Variants in CDC20B observed in about 807,000 individuals in gnomAD.
CDC20B encodes cell division cycle protein 20 homolog B.
Under a neutral mutation model 64.1 loss-of-function variants are expected in CDC20B, and 58 were observed. The observed-to-expected ratio is 0.90, with a 90% CI of 0.73 to 1.13. The LOEUF (loss-of-function observed/expected upper bound fraction) is 1.13. Ranked by LOEUF, CDC20B falls within the 50% of genes most tolerant of loss-of-function variation. CDC20B has a pLI of 0.00. For missense variants in CDC20B, 597 were observed against 633.0 expected, an observed-to-expected ratio of 0.94 and a Z score of 0.61; for synonymous variants, 243 against 230.6, an observed-to-expected ratio of 1.05 and a Z score of -0.49.
intron 2 of CDC20B, chr5:55,164,238 AT>A (rs1335945225): frequency 6.7e-7 from 1 of 1,503,492 alleles, no homozygotes; most frequent in East Asian, 2.3e-5. Context: ...TGCGTTTCTA[AT>A]AGAACAGAGA....
In CDC20B at chr5:55,114,414, C is replaced by G; in HGVS notation, c.1460-96G>C. 1 of 1,512,096 alleles carries G rather than the reference C, an allele frequency of 6.6e-7. No individual in the cohort carries two copies. The highest frequency in any genetic ancestry group is 8.9e-7 in the Non-Finnish European group (1 of 1,129,170). 93.7% of individuals were successfully genotyped at this position (1,512,096 alleles called of 1,614,324 possible). On this transcript the variant is annotated intron_variant, in intron 11 of 11. Coordinates refer to ENST00000381375, the MANE Select transcript of CDC20B (RefSeq NM_001170402.1). This position sits in a 1 kb window ranked among gnomAD's most constrained non-coding sequence, Gnocchi z 4.1. ...TGTAAGTTGGGGCCATGAGTCCCAT[C>G]CCAGGATAAAGGGCTTTCCCACACC...
chr5:55,151,664 T>C (rs1262439611), intron 2 of CDC20B, among the ~76,000 whole-genome samples: 2 of 152,334 alleles, frequency 1.3e-5, no homozygotes, highest in African/African-American at 4.8e-5. Context: ...TTTCTGTGAT[T>C]CGTCTACCGT....
At chr5:55,140,547 T>G in intron 4 of CDC20B, 140 bp from the exon 5 acceptor site, 1 of 557,648 alleles carries the variant, frequency 1.8e-6, no homozygotes, top group Non-Finnish European at 3.2e-6. Flanking sequence ...AACACCACAA[T>G]AATCGCTATT....
At chr5:55,167,138 A>G (rs1465983041) in intron 2 of CDC20B, 1 of 152,166 alleles carries the variant, frequency 6.6e-6, no homozygotes, top group Non-Finnish European at 1.5e-5. Flanking sequence ...ACAAAATCAA[A>G]TGCATTTTAA....
intron 2 of CDC20B, among the ~76,000 whole-genome samples, chr5:55,150,024 C>T (rs1361613062): frequency 6.6e-6 from 1 of 152,080 alleles, no homozygotes; most frequent in African/African-American, 2.4e-5. Context: ...ATCCCAGCTA[C>T]TTGGGAGGCT....
chr5:55,142,992 A>C (rs1743372075), intron 4 of CDC20B, among the ~76,000 whole-genome samples: 1 of 152,176 alleles, frequency 6.6e-6, no homozygotes, highest in African/African-American at 2.4e-5. Context: ...TCAGACTCCT[A>C]AGATCTTAAA....
At position 55,145,937 on chromosome 5, in the gene CDC20B, G is replaced by C. The variant is rs557012102; in HGVS notation, c.355+691C>G. Among the ~76,000 whole-genome samples, 3 of 151,694 alleles carry C rather than the reference G, an allele frequency of 2.0e-5. No individual in the cohort carries two copies. In the East Asian group the frequency reaches 5.8e-4, roughly 29 times the overall value. On this transcript the variant is annotated intron_variant, in intron 3 of 11. Transcript: ENST00000381375. The stretch of plus-strand genomic sequence containing the variant: ...TAATTTTTTCTGACTCTGTATACCA[G>C]TAACCTTACCAGTCATTAAAATTCT...
intron 3 of CDC20B, 46 bp downstream of exon 3, chr5:55,146,582 T>C (rs1033662590): frequency 2.2e-6 from 3 of 1,345,686 alleles, no homozygotes; most frequent in African/African-American, 2.9e-5. Context: ...GAATATATCT[T>C]TTATTCACGT....
At chr5:55,164,090 A>G (rs1744243950) in intron 2 of CDC20B, 1 of 1,597,228 alleles carries the variant, frequency 6.3e-7, no homozygotes, top group Admixed American at 1.7e-5. Flanking sequence ...GAATTTTTGG[A>G]AGTATCTTGT....
At chr5:55,134,212 A>C (rs1188987507) in intron 5 of CDC20B, among the ~76,000 whole-genome samples, 2 of 152,210 alleles carry the variant, frequency 1.3e-5, no homozygotes, top group Non-Finnish European at 2.9e-5. Flanking sequence ...GATCAAACTG[A>C]GAATGATAAA....
chr5:55,128,596 C>T lies in CDC20B; in HGVS notation c.719G>A (p.Ser240Asn). ...NDYYLNILDWSFQNLVAIALG... is the reference protein window; with the variant it reads ...NDYYLNILDWNFQNLVAIALG... ...GGCTATGGCAACAAGATTCTGAAAA[C>T]TCCAATCTAGGATATTCAGATCTAT... The change falls in exon 7 of 12, where the codon AGT (serine) becomes AAT (asparagine). Residue 240 changes from serine (S) to asparagine (N), a missense_variant. Around this residue, in one of 3 missense-constraint regions of CDC20B, gnomAD observed 353 missense variants for 397.0 expected, o/e 0.89. Coordinates refer to ENST00000381375, the MANE Select transcript of CDC20B (RefSeq NM_001170402.1). 2 of 1,569,474 alleles carry T rather than the reference C, an allele frequency of 1.3e-6. No homozygotes were observed. Among genetic ancestry groups the T allele is most frequent in the East Asian group, 2.3e-5 (1 of 43,000 alleles).
chr5:55,114,157 A>G lies in CDC20B; in HGVS notation c.*61T>C, dbSNP rs952296180. 3.2e-6 allele frequency: 5 copies of G among 1,566,302 alleles called. No individual in the cohort carries two copies. In the African/African-American group the frequency reaches 5.5e-5, roughly 17 times the overall value. ...CTCATAAAAACCCCATGGAGAAGAC[A>G]TAGCCAACATCATCATCTTCACTCA... On this transcript the variant is annotated 3_prime_UTR_variant, in exon 12 of 12. Transcript: ENST00000381375. This position sits in a 1 kb window ranked among gnomAD's most constrained non-coding sequence, Gnocchi z 4.1.
At chr5:55,133,712 A>G (rs1743086744) in intron 5 of CDC20B, among the ~76,000 whole-genome samples, 184 bp from the exon 6 acceptor site, 1 of 152,208 alleles carries the variant, frequency 6.6e-6, no homozygotes, top group Non-Finnish European at 1.5e-5. Flanking sequence ...TTCAGTATTA[A>G]TTTAAACAAG....
chr5:55,120,618 A>G (rs1742735003), intron 9 of CDC20B, 68 bp from the exon 10 acceptor site: 9 of 1,587,414 alleles, frequency 5.7e-6, no homozygotes, highest in Non-Finnish European at 6.0e-6. Flanking sequence ...AATGTGATGC[A>G]CTTAGGTAAG....
chr5:55,161,150 G>A (rs1580368450), intron 2 of CDC20B: 1 of 1,614,052 alleles, frequency 6.2e-7, no homozygotes, highest in Non-Finnish European at 8.5e-7. Flanking sequence ...CCCAAGCAAG[G>A]AAGTAGAATC....
intron 2 of CDC20B, among the ~76,000 whole-genome samples, chr5:55,163,636 A>T (rs142064238): frequency 0.023 from 3,432 of 151,720 alleles, 150 homozygotes; most frequent in African/African-American, 0.079. Context: ...CCTCCCGAGT[A>T]GCTGGGATTA....
chr5:55,158,940 G>A (rs1353349327), intron 2 of CDC20B, among the ~76,000 whole-genome samples: 9 of 152,120 alleles, frequency 5.9e-5, no homozygotes, highest in Admixed American at 2.0e-4. Context: ...TTTGTTTTCA[G>A]GGATTTTTTT....
intron 4 of CDC20B, among the ~76,000 whole-genome samples, chr5:55,141,647 C>G (rs1253604887): frequency 2.6e-5 from 4 of 152,208 alleles, no homozygotes; most frequent in Non-Finnish European, 5.9e-5. Flanking sequence ...ACGGTTCAGA[C>G]AGAAGTCTCT....
At chr5:55,168,723 A>G (rs2111611707) in intron 2 of CDC20B, among the ~76,000 whole-genome samples, 2 of 152,342 alleles carry the variant, frequency 1.3e-5, no homozygotes, top group Middle Eastern at 6.8e-3. Flanking sequence ...TTTCAGAAAC[A>G]GAAAATCAAT....
Sources: gnomAD v4.1 joint callset for allele counts (sites outside exome capture counted in the v4.1 genomes callset) on GRCh38, gnomAD v4.1.1 for gene constraint, gnomAD v4.1.1 regional missense constraint, Gnocchi (gnomAD v3.1) non-coding constraint, MANE v1.5 for transcripts, NCBI Gene and HGNC (gene_info 2026-07-23, HGNC 2026-07-21) for gene names.